ANKRD12: variants seen among roughly 807,000 people sequenced by gnomAD.
ANKRD12 encodes ankyrin repeat domain-containing protein 12.
Under a neutral mutation model 183.4 loss-of-function variants are expected in ANKRD12, and 85 were observed. That is an observed-to-expected ratio of 0.46 (90% CI 0.39 to 0.56). The LOEUF is 0.56. Ranked by LOEUF, ANKRD12 falls within the 20% of genes least tolerant of loss-of-function variation. The pLI is 0.00. For missense variants in ANKRD12, 2,405 were observed against 2,357.1 expected, an observed-to-expected ratio of 1.02 and a Z score of -0.42; for synonymous variants, 914 against 800.2, an observed-to-expected ratio of 1.14 and a Z score of -2.40.
intron 8 of ANKRD12, among the ~76,000 whole-genome samples, chr18:9,248,834 T>C (rs2038116867): frequency 1.3e-5 from 2 of 152,214 alleles, no homozygotes; most frequent in African/African-American, 4.8e-5. Context: ...GCAGTTAGTA[T>C]GGGAAGTCAT....
Position 9,163,919 on chromosome 18 carries a change from C to T in ANKRD12, c.-51-18463C>T, listed in dbSNP as rs140813776. Among the ~76,000 whole-genome samples the T allele has an allele frequency of 6.4e-3, 972 of 152,170 alleles. 7 individuals are homozygous for T. The highest frequency in any genetic ancestry group is 0.017 in the Middle Eastern group (5 of 294). The stretch of plus-strand genomic sequence containing the variant: ...GCTGAAGTTGCTTATCAGCTTAAGA[C>T]GCTTTCGGGCCGAGACAATGTGATT... On this transcript the variant is annotated intron_variant, in intron 1 of 12. Transcript: ENST00000262126.
At position 9,154,940 on chromosome 18, in the gene ANKRD12, A is replaced by G. The variant is rs190821671; in HGVS notation, c.-52+17975A>G. The stretch of plus-strand genomic sequence containing the variant: ...TTTACATACACAAATCTGGAGTTTT[A>G]GAGAAGGTCTAGGACTAGAAATACA... On this transcript the variant is annotated intron_variant, in intron 1 of 12. Coordinates refer to ENST00000262126, the MANE Select transcript of ANKRD12 (RefSeq NM_015208.5). Among the ~76,000 whole-genome samples the G allele has an allele frequency of 1.1e-3, 170 of 152,320 alleles. 2 individuals carry two copies. The highest frequency in any genetic ancestry group is 3.9e-3 in the African/African-American group (162 of 41,572).
rs539499185 is a variant in ANKRD12 at position 9,215,054 on chromosome 18, G to A, written c.653-1704G>A. Among the ~76,000 whole-genome samples the A allele has an allele frequency of 5.1e-4, 78 of 152,226 alleles. 4 individuals carry two copies. In the South Asian group the frequency reaches 0.016, roughly 31 times the overall value. ...TTAAAAAAATGTCAAGATAACAGGA[G>A]AAGTGGCTTCAGTCCACTGATAGGC... On this transcript the variant is annotated intron_variant, in intron 6 of 12. Coordinates refer to ENST00000262126, the MANE Select transcript of ANKRD12 (RefSeq NM_015208.5).
At chr18:9,245,247 C>T (rs1035783762) in intron 8 of ANKRD12, among the ~76,000 whole-genome samples, 7 of 150,320 alleles carry the variant, frequency 4.7e-5, no homozygotes, top group Non-Finnish European at 7.4e-5. Context: ...CCCAGGAGTT[C>T]GAGAGCAGCC....
intron 4 of ANKRD12, among the ~76,000 whole-genome samples, chr18:9,207,297 A>C (rs960676030): frequency 2.6e-5 from 4 of 152,154 alleles, no homozygotes; most frequent in Non-Finnish European, 5.9e-5. Flanking sequence ...ATGAAATAAT[A>C]AATATGAAAA....
At chr18:9,164,230 A>T (rs1474702467) in intron 1 of ANKRD12, among the ~76,000 whole-genome samples, 1 of 152,244 alleles carries the variant, frequency 6.6e-6, no homozygotes, top group Non-Finnish European at 1.5e-5. Flanking sequence ...TTTAACATGA[A>T]GGGATGTTGA....
chr18:9,180,457 G>T (rs186938732), intron 1 of ANKRD12, among the ~76,000 whole-genome samples: 51 of 151,732 alleles, frequency 3.4e-4, no homozygotes, highest in African/African-American at 1.2e-3. Context: ...TAATATTTGG[G>T]CTTAGGTCTA....
At chr18:9,275,496 A>ATT in intron 10 of ANKRD12, 28 bp from the exon 11 acceptor site, 1 of 1,575,912 alleles carries the variant, frequency 6.3e-7, no homozygotes, top group Non-Finnish European at 8.7e-7. Flanking sequence ...TGAAGAATTT[A>ATT]TTTTTTTTTA....
chr18:9,231,545 G>A (rs376905567), intron 8 of ANKRD12, among the ~76,000 whole-genome samples: 11 of 151,114 alleles, frequency 7.3e-5, no homozygotes, highest in African/African-American at 1.2e-4. Flanking sequence ...TATTTTATCC[G>A]TGCCGGGCGC....
intron 4 of ANKRD12, among the ~76,000 whole-genome samples, chr18:9,205,733 A>G (rs1203211623): frequency 2.0e-5 from 3 of 152,122 alleles, no homozygotes; most frequent in Admixed American, 2.0e-4. Flanking sequence ...AGAACCAGAG[A>G]GTAATGGCAA....
rs540590782 is a variant in ANKRD12, at chr18:9,165,731, TATTCTA to T, written c.-51-16650_-51-16645del. On this transcript the variant is annotated intron_variant, in intron 1 of 12. Transcript: ENST00000262126. ...TATTTTTATTTTTTTATTTTATTAT[TATTCTA>T]CTTTAAGTTTTAGGGTACATGTGGA... 6.3e-3 allele frequency among the ~76,000 whole-genome samples: 960 copies of T among 152,228 alleles called. 7 individuals are homozygous for T. The highest frequency in any genetic ancestry group is 0.017 in the Middle Eastern group (5 of 294).
chr18:9,150,287 C>T (rs563005124), intron 1 of ANKRD12, among the ~76,000 whole-genome samples: 31 of 152,180 alleles, frequency 2.0e-4, no homozygotes, highest in Middle Eastern at 3.4e-3. Flanking sequence ...TATCTCGTTT[C>T]GTCTACCACT....
chr18:9,200,283 C>T (rs563609111), intron 3 of ANKRD12, among the ~76,000 whole-genome samples: 50 of 152,112 alleles, frequency 3.3e-4, no homozygotes, highest in Non-Finnish European at 6.5e-4. Context: ...TATCGTAGTA[C>T]TATATTTATT....
At chr18:9,189,924 A>G (rs1269845274) in intron 2 of ANKRD12, among the ~76,000 whole-genome samples, 1 of 152,232 alleles carries the variant, frequency 6.6e-6, no homozygotes, top group Non-Finnish European at 1.5e-5. Context: ...TAGGTCAAGG[A>G]ATAATTTTAA....
intron 1 of ANKRD12, among the ~76,000 whole-genome samples, chr18:9,162,400 A>T (rs1422523517): frequency 6.6e-6 from 1 of 152,130 alleles, no homozygotes; most frequent in African/African-American, 2.4e-5. Context: ...TTATGGCTGC[A>T]TAGTATTCTG....
chr18:9,180,143 G>A lies in ANKRD12; in HGVS notation c.-51-2239G>A, dbSNP rs768363926. ...TCATGTATTTTGAAGCTCTGTTGTT[G>A]GTTGCATACATATGTCAGATTGGTG... On this transcript the variant is annotated intron_variant, in intron 1 of 12. Coordinates refer to ENST00000262126, the MANE Select transcript of ANKRD12 (RefSeq NM_015208.5). Among the ~76,000 whole-genome samples the A allele has an allele frequency of 3.3e-5, 5 of 151,816 alleles. 1 individual carries two copies. Among genetic ancestry groups the A allele is most frequent in the Non-Finnish European group, 7.4e-5 (5 of 67,970 alleles).
chr18:9,175,814 C>G (rs1054914079), intron 1 of ANKRD12, among the ~76,000 whole-genome samples: 1 of 152,048 alleles, frequency 6.6e-6, no homozygotes, highest in African/African-American at 2.4e-5. Context: ...AGGTGTGAGC[C>G]ACCACATTCA....
At chr18:9,210,766 TTTTTTATTGAGGAAAG>T (rs2035758449) in intron 5 of ANKRD12, among the ~76,000 whole-genome samples, 1 of 140,922 alleles carries the variant, frequency 7.1e-6, no homozygotes, top group Non-Finnish European at 1.5e-5. Flanking sequence ...TACACTTTTT[TTTTTTATTGAGGAAAG>T]GATGGTATTG....
chr18:9,202,521 A>T (rs2035234013), intron 3 of ANKRD12, among the ~76,000 whole-genome samples: 1 of 152,174 alleles, frequency 6.6e-6, no homozygotes, highest in African/African-American at 2.4e-5. Context: ...TCAAACATAC[A>T]GTACAGGCTT....
Sources: allele counts gnomAD v4.1 joint callset (sites outside exome capture counted in the v4.1 genomes callset), GRCh38; gene constraint gnomAD v4.1.1; transcripts MANE v1.5; gene names NCBI Gene and HGNC (gene_info 2026-07-23, HGNC 2026-07-21).